The following MAGI1 variants were observed in gnomAD, a reference collection of about 807,000 sequenced individuals.
MAGI1 encodes membrane-associated guanylate kinase, WW and PDZ domain-containing protein 1.
MAGI1 carries 58 observed loss-of-function variants against 139.9 expected under a neutral mutation model. The ratio of observed to expected loss-of-function variants is 0.41; its 90% CI spans 0.34 to 0.52. MAGI1 has a LOEUF of 0.52. MAGI1 is among the 20% of genes least tolerant of loss of function. The pLI is 0.12. For synonymous variants in MAGI1, 812 were observed against 737.9 expected, an observed-to-expected ratio of 1.10 and a Z score of -1.63; for missense variants, 1,874 against 1,901.6, an observed-to-expected ratio of 0.99 and a Z score of 0.27.
At chr3:65,957,895 A>G (rs547911507) in intron 1 of MAGI1, among the ~76,000 whole-genome samples, 3 of 152,150 alleles carry the variant, frequency 2.0e-5, no homozygotes, top group Non-Finnish European at 2.9e-5. Flanking sequence ...CAGCCTCCCA[A>G]GTAGCTGAGA....
intron 2 of MAGI1, among the ~76,000 whole-genome samples, chr3:65,615,896 C>G (rs529721096): frequency 1.3e-5 from 2 of 152,282 alleles, no homozygotes; most frequent in South Asian, 4.1e-4. Flanking sequence ...CAGTGATATC[C>G]TTGACACAGT....
intron 22 of MAGI1, among the ~76,000 whole-genome samples, chr3:65,358,508 A>G (rs950169390): frequency 4.6e-5 from 7 of 152,222 alleles, no homozygotes; most frequent in Admixed American, 3.9e-4. Context: ...AACTTTCTCT[A>G]AAGGGCAATA....
At chr3:65,627,195 C>T (rs1405215878) in intron 1 of MAGI1, among the ~76,000 whole-genome samples, 1 of 152,188 alleles carries the variant, frequency 6.6e-6, no homozygotes, top group Non-Finnish European at 1.5e-5. Flanking sequence ...AAGTAACATA[C>T]TGTGCAGATT....
At chr3:65,427,413 G>A (rs1178502937) in intron 12 of MAGI1, among the ~76,000 whole-genome samples, 2 of 152,172 alleles carry the variant, frequency 1.3e-5, no homozygotes, top group Non-Finnish European at 2.9e-5. Context: ...ACATGTGTAA[G>A]TTAGTTGGCT....
chr3:65,682,093 A>C (rs2087631424), intron 1 of MAGI1, among the ~76,000 whole-genome samples: 1 of 152,184 alleles, frequency 6.6e-6, no homozygotes, highest in South Asian at 2.1e-4. Context: ...AGAGGAAAAA[A>C]GAAAAAATTC....
chr3:65,597,985 C>G, intron 2 of MAGI1: 1 of 446,464 alleles, frequency 2.2e-6, no homozygotes, highest in South Asian at 1.6e-5. Flanking sequence ...GGCCACCTGA[C>G]CACAGAGCGG....
intron 1 of MAGI1, chr3:65,872,893 C>G (rs991989437): frequency 3.3e-5 from 5 of 152,122 alleles, no homozygotes; most frequent in Non-Finnish European, 7.3e-5. Flanking sequence ...CGGAACAGTG[C>G]TGACCTCTTT....
chr3:66,018,637 G>C (rs886957795), intron 1 of MAGI1, among the ~76,000 whole-genome samples: 7 of 152,164 alleles, frequency 4.6e-5, no homozygotes, highest in African/African-American at 1.7e-4. Flanking sequence ...CTAGGTTCCA[G>C]GTGGACTTGG....
At chr3:66,033,684 T>C (rs2068762691) in intron 1 of MAGI1, among the ~76,000 whole-genome samples, 1 of 152,144 alleles carries the variant, frequency 6.6e-6, no homozygotes, top group South Asian at 2.1e-4. Flanking sequence ...GGTCTGGTGG[T>C]GGTTTGGTTT....
At position 65,361,180 on chromosome 3, in the gene MAGI1, T is replaced by A. The variant is rs987786407; in HGVS notation, c.3634+19A>T. Reference sequence around the variant, plus strand: ...AGTCATGCCAGGGAAGGAAGGAATGTTTTCATAGTTTGACCCACCATATTC... The same window carrying A: ...AGTCATGCCAGGGAAGGAAGGAATGATTTCATAGTTTGACCCACCATATTC... On this transcript the variant is annotated intron_variant, in intron 22 of 22. Transcript: ENST00000402939. 2 of 1,613,956 alleles carry A rather than the reference T, an allele frequency of 1.2e-6. No individual in the cohort carries two copies. The highest frequency in any genetic ancestry group is 1.7e-6 in the Non-Finnish European group (2 of 1,179,994).
At chr3:65,616,387 C>A (rs781765671) in intron 2 of MAGI1, among the ~76,000 whole-genome samples, 1 of 152,112 alleles carries the variant, frequency 6.6e-6, no homozygotes, top group South Asian at 2.1e-4. Context: ...CAACAAACAT[C>A]TGTGGTTAAA....
intron 7 of MAGI1, among the ~76,000 whole-genome samples, chr3:65,447,393 C>T (rs1002055480): frequency 6.6e-6 from 1 of 152,196 alleles, no homozygotes; most frequent in African/African-American, 2.4e-5. Context: ...GTAGTCAAGA[C>T]TTGATTTGCA....
chr3:65,395,659 A>AAAAAAAAAAAAAAAAAAAAAAAAAAAG (rs1944334046), intron 13 of MAGI1, among the ~76,000 whole-genome samples: 1 of 136,504 alleles, frequency 7.3e-6, no homozygotes. Context: ...AAAAAAAAAG[A>AAAAAAAAAAAAAAAAAAAAAAAAAAAG]GGGTGTGCTA....
intron 5 of MAGI1, among the ~76,000 whole-genome samples, chr3:65,459,624 C>A (rs1177504765): frequency 6.6e-6 from 1 of 152,124 alleles, no homozygotes; most frequent in African/African-American, 2.4e-5. Context: ...TGAACTATAA[C>A]CCTGGCTAGA....
intron 1 of MAGI1, among the ~76,000 whole-genome samples, chr3:65,703,610 A>C (rs1218757847): frequency 1.3e-5 from 2 of 152,168 alleles, no homozygotes; most frequent in Admixed American, 1.3e-4. Context: ...CAGTCATCTC[A>C]GACTCAAAAT....
chr3:65,732,293 T>A (rs2034273172), intron 1 of MAGI1, among the ~76,000 whole-genome samples: 2 of 152,130 alleles, frequency 1.3e-5, no homozygotes. Flanking sequence ...TTACAAGACA[T>A]GAAAACTTGC....
At position 65,816,548 on chromosome 3, in the gene MAGI1, C is replaced by T. The variant is rs182246424; in HGVS notation, c.314-194460G>A. On this transcript the variant is annotated intron_variant, in intron 1 of 22. Transcript: ENST00000402939. ...GTAAACAAAGTGGCAAGTACATGAG[C>T]TCCTACTGTCCATATCAATTATTTG... is the stretch of plus-strand genomic sequence containing the variant. 1.1e-3 allele frequency among the ~76,000 whole-genome samples: 169 copies of T among 151,786 alleles called. 1 individual carries two copies. Among genetic ancestry groups the T allele is most frequent in the Middle Eastern group, 3.4e-3 (1 of 294 alleles).
At chr3:65,703,548 G>A (rs6789554) in intron 1 of MAGI1, among the ~76,000 whole-genome samples, 23,618 of 152,190 alleles carry the variant, frequency 0.16, 1,959 homozygotes, top group African/African-American at 0.22. Flanking sequence ...TTCTTCCTGA[G>A]CTCCTCCCAG....
At chr3:65,801,355 G>A (rs952568515) in intron 1 of MAGI1, among the ~76,000 whole-genome samples, 9 of 152,206 alleles carry the variant, frequency 5.9e-5, no homozygotes, top group Non-Finnish European at 1.2e-4. Flanking sequence ...CCAAAGCTTT[G>A]AAATGGTCAA....
Sources: allele counts gnomAD v4.1 joint callset (sites outside exome capture counted in the v4.1 genomes callset), GRCh38; gene constraint gnomAD v4.1.1; transcripts MANE v1.5; gene names NCBI Gene and HGNC (gene_info 2026-07-23, HGNC 2026-07-21).